Variants in ZC3H6 observed in about 807,000 individuals in gnomAD.
ZC3H6 encodes zinc finger CCCH domain-containing protein 6.
A neutral mutation model predicts 107.7 loss-of-function variants in ZC3H6; 40 were observed. The observed-to-expected ratio is 0.37, with a 90% CI of 0.29 to 0.48. ZC3H6 has a LOEUF of 0.48. ZC3H6 is among the 20% of genes least tolerant of loss of function. ZC3H6 has a pLI of 0.98. For missense variants in ZC3H6, 1,267 were observed against 1,410.4 expected (o/e 0.90, Z 1.63); for synonymous variants, 493 against 487.9 (o/e 1.01, Z -0.14).
At chr2:112,325,259 C>T (rs535370714) in intron 11 of ZC3H6, 62 bp downstream of exon 11, 93 of 1,485,918 alleles carry the variant, frequency 6.3e-5, no homozygotes, top group Admixed American at 6.2e-4. Flanking sequence ...TTTAAATGGC[C>T]GAGGCAGGTG....
At chr2:112,276,069 G>A (rs1185409272) in intron 1 of ZC3H6, 43 bp downstream of exon 1, 2 of 1,529,418 alleles carry the variant, frequency 1.3e-6, no homozygotes, top group Non-Finnish European at 1.8e-6. Context: ...GATGAGAGGA[G>A]GGGTCTGGGG....
At chr2:112,299,816 T>A (rs747448300) in intron 1 of ZC3H6, 33 bp from the exon 2 acceptor site, 19 of 1,326,174 alleles carry the variant, frequency 1.4e-5, no homozygotes, top group Non-Finnish European at 1.7e-5. Flanking sequence ...TGTTTTAGAA[T>A]GATATTTGAA....
intron 2 of ZC3H6, among the ~76,000 whole-genome samples, 154 bp downstream of exon 2, chr2:112,300,183 ATTATC>A (rs1340093444): frequency 1.3e-5 from 2 of 152,114 alleles, no homozygotes; most frequent in African/African-American, 2.4e-5. Flanking sequence ...GATTATATGA[ATTATC>A]TTAAAGATTT....
Position 112,332,599 on chromosome 2 carries a change from T to G in ZC3H6, c.*111T>G, listed in dbSNP as rs919858683. The G allele has an allele frequency of 4.6e-6, 5 of 1,098,088 alleles. No individual in the cohort carries two copies. Among genetic ancestry groups the G allele is most frequent in the Non-Finnish European group, 6.4e-6 (5 of 786,790 alleles). The allele number at this position is 1,098,088 out of a possible 1,614,324, so 68.0% of individuals were successfully genotyped here. On this transcript the variant is annotated 3_prime_UTR_variant, in exon 12 of 12. Coordinates refer to ENST00000409871, the MANE Select transcript of ZC3H6 (RefSeq NM_198581.3). ...TTTATTTTTAAATTATAAACACTTT[T>G]CAGCTGCTAGTATCAGAACCACATG...
At chr2:112,324,828 TTA>T in intron 10 of ZC3H6, 134 bp from the exon 11 acceptor site, 1 of 1,124,026 alleles carries the variant, frequency 8.9e-7, no homozygotes. Context: ...CAATAGAATT[TTA>T]GATAACTTTT....
chr2:112,336,804 A>G lies in ZC3H6; in HGVS notation c.*4316A>G, dbSNP rs936310465. On this transcript the variant is annotated 3_prime_UTR_variant, in exon 12 of 12. Transcript: ENST00000409871. ...CATCTACATAGTACTTAGAATTTCT[A>G]ATTTTAAAATAAGAAACAAAAAGCA... The G allele has an allele frequency of 6.6e-6, 1 of 152,198 alleles. No homozygotes were observed. The highest frequency in any genetic ancestry group is 1.5e-5 in the Non-Finnish European group (1 of 68,036). The allele number at this position is 152,198 out of a possible 1,614,324, so 9.4% of individuals were successfully genotyped here.
At chr2:112,313,314 T>C (rs1256676158) in intron 5 of ZC3H6, among the ~76,000 whole-genome samples, 1 of 152,194 alleles carries the variant, frequency 6.6e-6, no homozygotes, top group Non-Finnish European at 1.5e-5. Context: ...CTGCCTGTCA[T>C]CTTCTTAGAC....
chr2:112,287,609 T>A (rs1296369384), intron 1 of ZC3H6, among the ~76,000 whole-genome samples: 18 of 150,662 alleles, frequency 1.2e-4, no homozygotes, highest in African/African-American at 1.9e-4. Flanking sequence ...GGAAAAAAAA[T>A]TTTTTTTTTG....
intron 8 of ZC3H6, among the ~76,000 whole-genome samples, chr2:112,322,073 C>CT (rs1052003900): frequency 4.7e-5 from 7 of 149,360 alleles, no homozygotes; most frequent in South Asian, 2.1e-4. Flanking sequence ...ACCATTTCAA[C>CT]TTTTTTTTTT....
chr2:112,316,446 T>G, intron 5 of ZC3H6, 24 bp from the exon 6 acceptor site: 4 of 1,440,104 alleles, frequency 2.8e-6, no homozygotes, highest in Non-Finnish European at 3.9e-6. Flanking sequence ...TATGCTGCAT[T>G]CAAATGGAAT....
chr2:112,282,952 C>T (rs1242854263), intron 1 of ZC3H6, among the ~76,000 whole-genome samples: 1 of 152,178 alleles, frequency 6.6e-6, no homozygotes, highest in Non-Finnish European at 1.5e-5. Context: ...TTGTACCTTT[C>T]CTTTTTCACT....
Position 112,313,228 on chromosome 2 carries a change from C to T in ZC3H6, c.747+1291C>T, listed in dbSNP as rs1306755181. Among the ~76,000 whole-genome samples, 9 of 152,258 alleles carry T rather than the reference C, an allele frequency of 5.9e-5. No individual in the cohort carries two copies. The South Asian group carries it at 1.9e-3, about 32-fold the overall frequency. On this transcript the variant is annotated intron_variant, in intron 5 of 11. Transcript: ENST00000409871. ...TACACACCTACTAACATTCACTGAG[C>T]CACTCACTGTTCCATGGAACAGCAG... is the stretch of plus-strand genomic sequence containing the variant.
intron 3 of ZC3H6, among the ~76,000 whole-genome samples, chr2:112,305,815 A>G (rs1676468263): frequency 1.3e-5 from 2 of 152,210 alleles, no homozygotes; most frequent in Admixed American, 1.3e-4. Context: ...CAGGCTTACA[A>G]AAAAGTTGCA....
intron 1 of ZC3H6, among the ~76,000 whole-genome samples, chr2:112,281,362 A>T (rs953605322): frequency 6.6e-6 from 1 of 152,176 alleles, no homozygotes; most frequent in African/African-American, 2.4e-5. Flanking sequence ...TTCACTCTTG[A>T]GTGACCTGGG....
chr2:112,338,893 A>G lies in ZC3H6; in HGVS notation c.*6405A>G, dbSNP rs181245972. The G allele has an allele frequency of 2.3e-3, 40 of 17,666 alleles. 3 individuals are homozygous for G. The African/African-American group carries it at 0.024, about 11-fold the overall frequency. The allele number at this position is 17,666 out of a possible 1,614,324, so 1.1% of individuals were successfully genotyped here. On this transcript the variant is annotated 3_prime_UTR_variant, in exon 12 of 12. Transcript: ENST00000409871. ...TATATATATATATATATATATATAT[A>G]TATATATATATATATATATAATTTT... is the stretch of plus-strand genomic sequence containing the variant.
intron 6 of ZC3H6, 89 bp downstream of exon 6, chr2:112,316,675 C>A: frequency 2.6e-6 from 2 of 761,260 alleles, no homozygotes; most frequent in Non-Finnish European, 4.1e-6. Context: ...ATTTTTTTCT[C>A]TTCTCATATA....
chr2:112,291,747 C>G (rs56935503), intron 1 of ZC3H6, among the ~76,000 whole-genome samples: 2,887 of 152,194 alleles, frequency 0.019, 95 homozygotes, highest in African/African-American at 0.066. Flanking sequence ...GAGACAGAGT[C>G]TCATTCTGTC....
At chr2:112,309,801 T>TC in intron 3 of ZC3H6, 84 bp from the exon 4 acceptor site, 1 of 1,365,448 alleles carries the variant, frequency 7.3e-7, no homozygotes, top group Non-Finnish European at 9.8e-7. Flanking sequence ...CCAAACTTGC[T>TC]GGGGGGAAAA....
chr2:112,278,510 C>T (rs549555141), intron 1 of ZC3H6, among the ~76,000 whole-genome samples: 16 of 152,130 alleles, frequency 1.1e-4, no homozygotes, highest in Admixed American at 2.6e-4. Flanking sequence ...GTAGAGACCA[C>T]GTTTCATCAT....
Sources: gnomAD v4.1 joint callset for allele counts (sites outside exome capture counted in the v4.1 genomes callset) on GRCh38, gnomAD v4.1.1 for gene constraint, MANE v1.5 for transcripts, NCBI Gene and HGNC (gene_info 2026-07-23, HGNC 2026-07-21) for gene names.